UBE2D1: variants seen among roughly 807,000 people sequenced by gnomAD.
The protein encoded by UBE2D1 is ubiquitin-conjugating enzyme E2 D1.
In UBE2D1, 9 loss-of-function variants were observed where a neutral mutation model predicts 24.6. That is an observed-to-expected ratio of 0.37 (90% CI 0.22 to 0.64). The LOEUF (loss-of-function observed/expected upper bound fraction) is 0.64. Ranked by LOEUF, UBE2D1 falls within the 30% of genes least tolerant of loss-of-function variation. The pLI is 0.64. For synonymous variants in UBE2D1, 57 were observed against 57.6 expected (o/e 0.99, Z 0.04); for missense variants, 87 against 177.1 (o/e 0.49, Z 2.89).
chr10:58,364,891 C>T lies in UBE2D1; in HGVS notation c.304+15C>T. The T allele has an allele frequency of 6.3e-7, 1 of 1,596,556 alleles. No individual in the cohort carries two copies. The highest frequency in any genetic ancestry group is 1.1e-5 in the South Asian group (1 of 90,350). ...TGTATCAAAAGGTAATTTCATTGATCAGGTTTGAAACAGTTGATAACAGTG... is the reference window on the plus strand; with the variant it reads ...TGTATCAAAAGGTAATTTCATTGATTAGGTTTGAAACAGTTGATAACAGTG... On this transcript the variant is annotated intron_variant, in intron 5 of 6. Coordinates refer to ENST00000373910, the MANE Select transcript of UBE2D1 (RefSeq NM_003338.5).
intron 3 of UBE2D1, among the ~76,000 whole-genome samples, chr10:58,362,610 A>G (rs1427380303): frequency 1.3e-5 from 2 of 152,118 alleles, no homozygotes; most frequent in African/African-American, 4.8e-5. Flanking sequence ...GGTTATAATC[A>G]TGTTATTCAT....
intron 1 of UBE2D1, among the ~76,000 whole-genome samples, chr10:58,346,134 C>T (rs1840013346): frequency 6.6e-6 from 1 of 151,964 alleles, no homozygotes; most frequent in South Asian, 2.1e-4. Flanking sequence ...CCTCAGCCTC[C>T]CAAGTAGCTG....
intron 1 of UBE2D1, among the ~76,000 whole-genome samples, chr10:58,336,407 G>GTGT (rs1490150022): frequency 2.0e-5 from 3 of 152,200 alleles, no homozygotes; most frequent in Non-Finnish European, 4.4e-5. Flanking sequence ...CAGTGATAGT[G>GTGT]ACGTACGCAT....
At chr10:58,367,143 C>T (rs1056358091) in intron 5 of UBE2D1, among the ~76,000 whole-genome samples, 4 of 151,990 alleles carry the variant, frequency 2.6e-5, no homozygotes, top group African/African-American at 4.8e-5. Context: ...TGAAAGAGTA[C>T]GAAAATAGAA....
chr10:58,343,067 G>A (rs1839979909), intron 1 of UBE2D1, among the ~76,000 whole-genome samples: 1 of 152,064 alleles, frequency 6.6e-6, no homozygotes, highest in African/African-American at 2.4e-5. Flanking sequence ...CTGACCTCAG[G>A]TGATCCACCT....
intron 1 of UBE2D1, among the ~76,000 whole-genome samples, chr10:58,356,730 A>G (rs990533706): frequency 6.6e-6 from 1 of 152,188 alleles, no homozygotes; most frequent in African/African-American, 2.4e-5. Context: ...CTGTGGATGG[A>G]AGTATTGTAA....
chr10:58,339,508 T>G (rs1238556168), intron 1 of UBE2D1, among the ~76,000 whole-genome samples: 1 of 152,188 alleles, frequency 6.6e-6, no homozygotes, highest in Non-Finnish European at 1.5e-5. Context: ...TGTATGGATA[T>G]CCATACATAT....
At position 58,348,250 on chromosome 10, in the gene UBE2D1, T is replaced by C. The variant is rs537458539; in HGVS notation, c.24+13025T>C. On this transcript the variant is annotated intron_variant, in intron 1 of 6. Coordinates refer to ENST00000373910, the MANE Select transcript of UBE2D1 (RefSeq NM_003338.5). ...ACTTTAATTCACAGGCTTAAAGAGGTTCTGTATTTGGAGACATTTCTGATG... is the reference window on the plus strand; with the variant it reads ...ACTTTAATTCACAGGCTTAAAGAGGCTCTGTATTTGGAGACATTTCTGATG... Among the ~76,000 whole-genome samples the C allele has an allele frequency of 1.5e-3, 223 of 152,316 alleles. 3 individuals are homozygous for C. In the South Asian group the frequency reaches 0.019, roughly 13 times the overall value.
chr10:58,348,481 A>G (rs1840039242), intron 1 of UBE2D1, among the ~76,000 whole-genome samples: 1 of 152,208 alleles, frequency 6.6e-6, no homozygotes, highest in Non-Finnish European at 1.5e-5. Context: ...TGTCATGTTA[A>G]TTAATTGCCA....
chr10:58,358,642 A>G (rs1442628705), intron 1 of UBE2D1, among the ~76,000 whole-genome samples: 1 of 152,076 alleles, frequency 6.6e-6, no homozygotes, highest in Non-Finnish European at 1.5e-5. Context: ...AGAAAAAAAG[A>G]TTTTTCCCAA....
intron 1 of UBE2D1, among the ~76,000 whole-genome samples, chr10:58,339,898 C>T (rs886455615): frequency 2.0e-5 from 3 of 152,050 alleles, no homozygotes; most frequent in Non-Finnish European, 4.4e-5. Context: ...TCCTTCTCTT[C>T]CACTTCTTAG....
In UBE2D1 at chr10:58,368,841, A is replaced by G. The variant is rs370282908; in HGVS notation, c.*76A>G. The G allele has an allele frequency of 1.4e-3, 1,239 of 901,646 alleles. 2 individuals are homozygous for G. Among genetic ancestry groups the G allele is most frequent in the Non-Finnish European group, 1.9e-3 (1,118 of 600,562 alleles). 55.9% of individuals were successfully genotyped at this position (901,646 alleles called of 1,614,324 possible). A position where few individuals can be genotyped will look rare whatever the true frequency, so the allele number is the denominator to read the frequency against. ...TTTCAACATTAGCAGTAAATTGAGC[A>G]CTGTTTACTGTTTCATTGTACCATG... On this transcript the variant is annotated 3_prime_UTR_variant, in exon 7 of 7. Transcript: ENST00000373910.
At chr10:58,338,447 A>G (rs11006113) in intron 1 of UBE2D1, among the ~76,000 whole-genome samples, 512 of 152,320 alleles carry the variant, frequency 3.4e-3, no homozygotes, top group African/African-American at 0.011. Context: ...CTAAATCATT[A>G]AAAGAAAAAA....
intron 1 of UBE2D1, among the ~76,000 whole-genome samples, chr10:58,341,547 G>A (rs929119890): frequency 3.3e-5 from 5 of 152,040 alleles, no homozygotes; most frequent in Non-Finnish European, 7.4e-5. Context: ...AAAAAGTTCT[G>A]AGATTTCTTC....
intron 1 of UBE2D1, among the ~76,000 whole-genome samples, chr10:58,349,301 C>T (rs1564559187): frequency 6.6e-6 from 1 of 152,038 alleles, no homozygotes; most frequent in Non-Finnish European, 1.5e-5. Flanking sequence ...GCTTCATTGG[C>T]ACAGACTACT....
chr10:58,361,330 T>C lies in UBE2D1; in HGVS notation c.25-8T>C. ...GAATTAACCTTACATATTTTTGATTTCCTTCAGGAATTGAGTGATCTACAG... is the reference window on the plus strand; with the variant it reads ...GAATTAACCTTACATATTTTTGATTCCCTTCAGGAATTGAGTGATCTACAG... On this transcript the variant is annotated splice_polypyrimidine_tract_variant and splice_region_variant and intron_variant, in intron 1 of 6. Transcript: ENST00000373910. The C allele has an allele frequency of 6.2e-7, 1 of 1,614,198 alleles. No individual in the cohort carries two copies. Among genetic ancestry groups the C allele is most frequent in the Non-Finnish European group, 8.5e-7 (1 of 1,180,010 alleles).
intron 1 of UBE2D1, chr10:58,361,009 T>TTA (rs1840191105): frequency 4.3e-6 from 2 of 465,794 alleles, no homozygotes; most frequent in Non-Finnish European, 8.1e-6. Flanking sequence ...AAATAGTACC[T>TTA]GTTTTCTGAT....
At chr10:58,357,465 C>T (rs1840144283) in intron 1 of UBE2D1, among the ~76,000 whole-genome samples, 1 of 152,108 alleles carries the variant, frequency 6.6e-6, no homozygotes, top group African/African-American at 2.4e-5. Context: ...GGCTGCTGCA[C>T]AGACTAAGCA....
intron 3 of UBE2D1, among the ~76,000 whole-genome samples, chr10:58,362,618 C>T (rs1840212485): frequency 1.3e-5 from 2 of 152,046 alleles, no homozygotes; most frequent in Admixed American, 6.6e-5. Flanking sequence ...TCATGTTATT[C>T]ATAACTCCCT....
Sources: allele counts gnomAD v4.1 joint callset (sites outside exome capture counted in the v4.1 genomes callset), GRCh38; gene constraint gnomAD v4.1.1; transcripts MANE v1.5; gene names NCBI Gene and HGNC (gene_info 2026-07-23, HGNC 2026-07-21).